The following MTMR14 variants were observed in gnomAD, a reference collection of about 807,000 sequenced individuals.
MTMR14 encodes myotubularin related protein 14.
Under a neutral mutation model 86.3 loss-of-function variants are expected in MTMR14, and 48 were observed. That is an observed-to-expected ratio of 0.56 (90% confidence interval 0.44 to 0.71). The LOEUF (loss-of-function observed/expected upper bound fraction) is 0.71. Ranked by LOEUF, MTMR14 falls within the 30% of genes least tolerant of loss-of-function variation. The probability of loss-of-function intolerance (pLI) is 0.00; values close to 1 mark genes in which losing one functional copy is unlikely to be tolerated. For synonymous variants in MTMR14, 366 were observed against 326.1 expected (o/e 1.12, Z -1.32); for missense variants, 780 against 834.6 (o/e 0.93, Z 0.81).
intron 3 of MTMR14, among the ~76,000 whole-genome samples, chr3:9,665,079 C>G (rs564302415): frequency 6.6e-6 from 1 of 151,972 alleles, no homozygotes; most frequent in Non-Finnish European, 1.5e-5. Context: ...GTCAGGAGTT[C>G]GAGACCAGCC....
chr3:9,687,496 A>C (rs1450611875), intron 13 of MTMR14, among the ~76,000 whole-genome samples: 4 of 151,912 alleles, frequency 2.6e-5, no homozygotes. Context: ...CTGAGCTTGC[A>C]GTGAGCCGAG....
At chr3:9,690,226 A>G in intron 17 of MTMR14, 83 bp downstream of exon 17, 1 of 1,472,416 alleles carries the variant, frequency 6.8e-7, no homozygotes. Flanking sequence ...CCAGCACCTG[A>G]GCTAGGGTCT....
chr3:9,678,086 G>A, intron 9 of MTMR14, 28 bp downstream of exon 9: 1 of 1,612,252 alleles, frequency 6.2e-7, no homozygotes, highest in Non-Finnish European at 8.5e-7. Flanking sequence ...AGCATTGAGG[G>A]CAGGATAAGG....
chr3:9,690,924 C>A (rs1002333634), intron 17 of MTMR14, among the ~76,000 whole-genome samples: 3 of 152,120 alleles, frequency 2.0e-5, no homozygotes, highest in Admixed American at 2.0e-4. Context: ...GGCATCCATC[C>A]CAGGTTCAAG....
chr3:9,668,676 T>C (rs771246524), intron 3 of MTMR14, 43 bp from the exon 4 acceptor site: 33 of 1,603,592 alleles, frequency 2.1e-5, no homozygotes, highest in Non-Finnish European at 2.8e-5. Context: ...CTGTGCATGC[T>C]TCAGAAAACC....
At chr3:9,653,165 G>A (rs1400854119) in intron 1 of MTMR14, among the ~76,000 whole-genome samples, 4 of 152,236 alleles carry the variant, frequency 2.6e-5, no homozygotes, top group Non-Finnish European at 4.4e-5. Flanking sequence ...AACCCCGGAC[G>A]CGGAGGCTGC....
intron 18 of MTMR14, chr3:9,699,964 G>C (rs1173697395): frequency 1.3e-5 from 2 of 152,244 alleles, no homozygotes; most frequent in African/African-American, 4.8e-5. Context: ...CAGGATTGTT[G>C]ATGGTAGTAC....
intron 18 of MTMR14, chr3:9,700,767 C>T (rs951968123): frequency 1.3e-5 from 2 of 152,160 alleles, no homozygotes; most frequent in African/African-American, 4.8e-5. Context: ...GCAATAGCTT[C>T]CTCCTAAGAT....
Position 9,669,803 on chromosome 3 carries a change from C to T in MTMR14, c.554+311C>T, listed in dbSNP as rs936738864. 4.6e-5 allele frequency among the ~76,000 whole-genome samples: 7 copies of T among 152,156 alleles called. No individual in the cohort carries two copies. In the South Asian group the frequency reaches 6.2e-4, roughly 14 times the overall value. On this transcript the variant is annotated intron_variant, in intron 5 of 18. Coordinates refer to ENST00000296003, the MANE Select transcript of MTMR14 (RefSeq NM_001077525.3). ...CCAGACATCTATATTTGTTTTAAAG[C>T]CCCACAGAGTTGCCAGTTTGCAGCT...
chr3:9,669,557 C>A (rs2048459482), intron 5 of MTMR14, 65 bp downstream of exon 5: 4 of 1,533,060 alleles, frequency 2.6e-6, no homozygotes, highest in Non-Finnish European at 3.6e-6. Context: ...CAGAGATGGC[C>A]ATGTTCATAT....
At chr3:9,666,122 A>G (rs1267953279) in intron 3 of MTMR14, among the ~76,000 whole-genome samples, 1 of 149,066 alleles carries the variant, frequency 6.7e-6, no homozygotes, top group East Asian at 2.0e-4. Context: ...TAAAATGCCC[A>G]AAGTTTGTTG....
At position 9,652,715 on chromosome 3, in the gene MTMR14, T is replaced by C. The variant is rs956420053; in HGVS notation, c.160-906T>C. ...CTTTCTCAAAAAAAAAAAAAAGGAA[T>C]GGGGAAGAGGCCAGGCATGGTGGCT... On this transcript the variant is annotated intron_variant, in intron 1 of 18. Transcript: ENST00000296003. 1.5e-3 allele frequency among the ~76,000 whole-genome samples: 210 copies of C among 144,328 alleles called. 5 individuals carry two copies. The highest frequency in any genetic ancestry group is 5.5e-4 in the Admixed American group (8 of 14,560). 94.7% of individuals were successfully genotyped at this position (144,328 alleles called of 152,430 possible).
In MTMR14 at chr3:9,649,540, C is replaced by T. The variant is rs575056740; in HGVS notation, c.-44C>T. On this transcript the variant is annotated 5_prime_UTR_variant, in exon 1 of 19. Transcript: ENST00000296003. ...GTCGGAGTTGGGTGCAGGCAGGTGCCATGGGCCCGCTTGAGGCACACTGAG... is the reference window on the plus strand; with the variant it reads ...GTCGGAGTTGGGTGCAGGCAGGTGCTATGGGCCCGCTTGAGGCACACTGAG... 4.8e-4 allele frequency: 731 copies of T among 1,516,608 alleles called. 7 individuals carry two copies. In the South Asian group the frequency reaches 8.6e-3, roughly 18 times the overall value. The allele number at this position is 1,516,608 out of a possible 1,614,324, so 93.9% of individuals were successfully genotyped here.
At chr3:9,652,726 C>G (rs1258319240) in intron 1 of MTMR14, among the ~76,000 whole-genome samples, 1 of 150,770 alleles carries the variant, frequency 6.6e-6, no homozygotes, top group Non-Finnish European at 1.5e-5. Context: ...GGGGAAGAGG[C>G]CAGGCATGGT....
intron 3 of MTMR14, among the ~76,000 whole-genome samples, chr3:9,663,119 T>A (rs918602397): frequency 2.1e-4 from 32 of 152,110 alleles, no homozygotes; most frequent in African/African-American, 7.5e-4. Flanking sequence ...GCGGGGAAAT[T>A]CCGAATGCAA....
chr3:9,669,169 T>C (rs943265484), intron 4 of MTMR14, among the ~76,000 whole-genome samples: 1 of 149,804 alleles, frequency 6.7e-6, no homozygotes, highest in Non-Finnish European at 1.5e-5. Flanking sequence ...TAGCCACCCA[T>C]GACCACAATA....
chr3:9,669,049 A>G (rs914849258), intron 4 of MTMR14, among the ~76,000 whole-genome samples: 2 of 151,774 alleles, frequency 1.3e-5, no homozygotes, highest in East Asian at 3.9e-4. Flanking sequence ...CTGAGGCAGG[A>G]GAATCGCTTG....
At chr3:9,683,973 C>T (rs1036897989) in intron 10 of MTMR14, among the ~76,000 whole-genome samples, 11 of 152,194 alleles carry the variant, frequency 7.2e-5, no homozygotes, top group African/African-American at 2.2e-4. Context: ...CTCATTGGCC[C>T]AGTTTGGGTT....
At chr3:9,661,953 G>A (rs2047962709) in intron 2 of MTMR14, among the ~76,000 whole-genome samples, 1 of 151,866 alleles carries the variant, frequency 6.6e-6, no homozygotes, top group East Asian at 1.9e-4. Context: ...CAGGTGTGGT[G>A]GCTCACACCT....
Sources: gnomAD v4.1 joint callset for allele counts (sites outside exome capture counted in the v4.1 genomes callset) on GRCh38, gnomAD v4.1.1 for gene constraint, MANE v1.5 for transcripts, NCBI Gene and HGNC (gene_info 2026-07-23, HGNC 2026-07-21) for gene names.